The following NDUFAF5 variants were observed in gnomAD, a reference collection of about 807,000 sequenced individuals.
The protein encoded by NDUFAF5 is NADH:ubiquinone oxidoreductase complex assembly factor 5.
NDUFAF5 carries 34 observed loss-of-function variants against 48.9 expected under a neutral mutation model. The ratio of observed to expected loss-of-function variants is 0.70; its 90% confidence interval spans 0.53 to 0.93. The LOEUF is 0.93. Ranked by LOEUF, NDUFAF5 falls within the 40% of genes least tolerant of loss-of-function variation. The pLI, the probability that NDUFAF5 is intolerant of heterozygous loss-of-function variation, is 0.00. For missense variants in NDUFAF5, 428 were observed against 427.5 expected (o/e 1.00, Z -0.01); for synonymous variants, 153 against 150.6 (o/e 1.02, Z -0.12).
At chr20:13,794,192 C>G (rs986153411) in intron 4 of NDUFAF5, among the ~76,000 whole-genome samples, 5 of 151,876 alleles carry the variant, frequency 3.3e-5, no homozygotes, top group African/African-American at 9.7e-5. Context: ...TTATGTTTAC[C>G]TAGGCTTTTT....
chr20:13,817,513 T>C lies in NDUFAF5; in HGVS notation c.*303T>C, dbSNP rs1986619882. 2.0e-6 allele frequency: 1 copy of C among 507,288 alleles called. No individual in the cohort carries two copies. The highest frequency in any genetic ancestry group is 2.3e-5 in the Admixed American group (1 of 44,276). The allele number at this position is 507,288 out of a possible 1,614,324, so 31.4% of individuals were successfully genotyped here. A position where few individuals can be genotyped will look rare whatever the true frequency, so the allele number is the denominator to read the frequency against. Reference sequence around the variant, plus strand: ...ATGCCTTGGAAAATATTACTCATGCTGACCTTTTACACCTTTTTCATTTGT... The same window carrying C: ...ATGCCTTGGAAAATATTACTCATGCCGACCTTTTACACCTTTTTCATTTGT... On this transcript the variant is annotated 3_prime_UTR_variant, in exon 11 of 11. Coordinates refer to ENST00000378106, the MANE Select transcript of NDUFAF5 (RefSeq NM_024120.5).
chr20:13,795,883 T>A (rs1291418555), intron 5 of NDUFAF5, among the ~76,000 whole-genome samples: 1 of 152,220 alleles, frequency 6.6e-6, no homozygotes, highest in Non-Finnish European at 1.5e-5. Flanking sequence ...TTATGTTTTC[T>A]ACTATCTTCC....
At chr20:13,812,878 A>G (rs1441102338) in intron 8 of NDUFAF5, 1 of 152,226 alleles carries the variant, frequency 6.6e-6, no homozygotes, top group African/African-American at 2.4e-5. Context: ...CAAAATATTG[A>G]ACATTTTCAG....
rs577882758 is a variant in NDUFAF5 at position 13,819,788 on chromosome 20, T to A, written c.*2578T>A. Reference sequence around the variant, plus strand: ...TTTGTGTCTTTTCCAGCACTTTTCTTACTTGCTGTCAGTTGTCAATCTCAA... The same window carrying A: ...TTTGTGTCTTTTCCAGCACTTTTCTAACTTGCTGTCAGTTGTCAATCTCAA... On this transcript the variant is annotated 3_prime_UTR_variant, in exon 11 of 11. Transcript: ENST00000378106. The A allele has an allele frequency of 6.6e-6, 1 of 152,400 alleles. No homozygotes were observed. The highest frequency in any genetic ancestry group is 2.1e-4 in the South Asian group (1 of 4,824). 9.4% of individuals were successfully genotyped at this position (152,400 alleles called of 1,614,324 possible).
chr20:13,809,100 C>T, intron 8 of NDUFAF5, 198 bp downstream of exon 8: 1 of 594,890 alleles, frequency 1.7e-6, no homozygotes, highest in Non-Finnish European at 3.0e-6. Flanking sequence ...GAGGCAGGCA[C>T]CAGGCAGCTG....
chr20:13,786,631 T>C (rs1981192342), intron 1 of NDUFAF5, among the ~76,000 whole-genome samples: 2 of 152,306 alleles, frequency 1.3e-5, no homozygotes, highest in South Asian at 2.1e-4. Context: ...TTGGAACTTT[T>C]AAGTCCTAAG....
In NDUFAF5 at chr20:13,817,818, T is replaced by G. The variant is rs1407984491; in HGVS notation, c.*608T>G. 1 of 216,384 alleles carries G rather than the reference T, an allele frequency of 4.6e-6. No homozygotes were observed. Among genetic ancestry groups the G allele is most frequent in the Non-Finnish European group, 1.1e-5 (1 of 92,090 alleles). The allele number at this position is 216,384 out of a possible 1,614,324, so 13.4% of individuals were successfully genotyped here. A position where few individuals can be genotyped will look rare whatever the true frequency, so the allele number is the denominator to read the frequency against. The stretch of plus-strand genomic sequence containing the variant: ...CAGTCTCTGCACAGTCATCAGTTTA[T>G]TGTTAAGCTTTCCTTTGTAATTTCA... On this transcript the variant is annotated 3_prime_UTR_variant, in exon 11 of 11. Coordinates refer to ENST00000378106, the MANE Select transcript of NDUFAF5 (RefSeq NM_024120.5).
chr20:13,802,288 A>G (rs981306918), intron 7 of NDUFAF5, among the ~76,000 whole-genome samples: 1 of 152,236 alleles, frequency 6.6e-6, no homozygotes, highest in Non-Finnish European at 1.5e-5. Flanking sequence ...GTTCTCCGAC[A>G]GGAGTAACTT....
intron 8 of NDUFAF5, among the ~76,000 whole-genome samples, chr20:13,809,421 G>A (rs1251591431): frequency 6.6e-6 from 1 of 152,154 alleles, no homozygotes; most frequent in East Asian, 1.9e-4. Context: ...GAATTAACTG[G>A]GTAGACAGAG....
intron 8 of NDUFAF5, among the ~76,000 whole-genome samples, chr20:13,810,795 A>G (rs966321868): frequency 2.6e-5 from 4 of 152,130 alleles, no homozygotes; most frequent in Non-Finnish European, 5.9e-5. Context: ...GGGAGAGGCA[A>G]AGTTATAGCA....
intron 8 of NDUFAF5, chr20:13,814,248 CAG>C (rs1264299021): frequency 1.1e-5 from 4 of 364,724 alleles, no homozygotes; most frequent in Admixed American, 1.1e-4. Flanking sequence ...GAAGCATAGT[CAG>C]GGGATGATGG....
chr20:13,788,642 A>G lies in NDUFAF5; in HGVS notation c.317A>G (p.Tyr106Cys), dbSNP rs1339197184. 5.6e-6 allele frequency: 9 copies of G among 1,607,452 alleles called. No homozygotes were observed. Among genetic ancestry groups the G allele is most frequent in the Non-Finnish European group, 7.7e-6 (9 of 1,174,156 alleles). Residue 106 changes from tyrosine to cysteine, a missense_variant, in exon 3 of 11, where the codon TAT (tyrosine) becomes TGT (cysteine). Tyr to Cys is a radical substitution (Grantham distance 194, BLOSUM62 -2). Coordinates refer to ENST00000378106, the MANE Select transcript of NDUFAF5 (RefSeq NM_024120.5). ...LGCGRGYIAQ[Y>C]LNKETIGKFF... Reference sequence around the variant, plus strand: ...TGTGGAAGAGGTTACATTGCACAATATTTGAATAAGGTATATTTATTCAAT... The same window carrying G: ...TGTGGAAGAGGTTACATTGCACAATGTTTGAATAAGGTATATTTATTCAAT...
chr20:13,792,686 C>A (rs961351288), intron 3 of NDUFAF5, among the ~76,000 whole-genome samples: 14 of 152,046 alleles, frequency 9.2e-5, no homozygotes, highest in Admixed American at 9.2e-4. Context: ...GAAAAGAGGG[C>A]TGAGGGGGAA....
chr20:13,818,881 G>T lies in NDUFAF5; in HGVS notation c.*1671G>T, dbSNP rs1022776785. ...GGTATAGAAACTAGGAGGGAGACTT[G>T]TACTTTTCACTTTTTAAACTTCCTG... On this transcript the variant is annotated 3_prime_UTR_variant, in exon 11 of 11. Coordinates refer to ENST00000378106, the MANE Select transcript of NDUFAF5 (RefSeq NM_024120.5). 7.2e-5 allele frequency: 11 copies of T among 152,284 alleles called. No individual in the cohort carries two copies. The highest frequency in any genetic ancestry group is 2.2e-4 in the African/African-American group (9 of 41,544). 9.4% of individuals were successfully genotyped at this position (152,284 alleles called of 1,614,324 possible).
At position 13,814,578 on chromosome 20, in the gene NDUFAF5, G is replaced by A. The variant is rs367711740; in HGVS notation, c.779-1885G>A. 9.6e-5 allele frequency: 82 copies of A among 854,798 alleles called. 1 individual carries two copies. The African/African-American group carries it at 1.3e-3, about 13-fold the overall frequency. 53.0% of individuals were successfully genotyped at this position (854,798 alleles called of 1,614,324 possible). Reference sequence around the variant, plus strand: ...GTTTTTAGTAAACTGTAATAAATTAGGTTTATTTTTGATAAGCAGTTGAAC... The same window carrying A: ...GTTTTTAGTAAACTGTAATAAATTAAGTTTATTTTTGATAAGCAGTTGAAC... On this transcript the variant is annotated intron_variant, in intron 8 of 10. Transcript: ENST00000378106.
intron 8 of NDUFAF5, among the ~76,000 whole-genome samples, chr20:13,810,097 T>A (rs1985650548): frequency 6.6e-6 from 1 of 152,214 alleles, no homozygotes; most frequent in South Asian, 2.1e-4. Flanking sequence ...AGGAAGCTAC[T>A]GGCTTGGTTA....
At chr20:13,787,816 A>C (rs965676007) in intron 2 of NDUFAF5, among the ~76,000 whole-genome samples, 1 of 152,192 alleles carries the variant, frequency 6.6e-6, no homozygotes, top group Admixed American at 6.5e-5. Context: ...AACAAATTGC[A>C]ATGGGGCTCT....
At chr20:13,797,804 A>T (rs1419063536) in intron 5 of NDUFAF5, among the ~76,000 whole-genome samples, 3 of 152,220 alleles carry the variant, frequency 2.0e-5, no homozygotes, top group African/African-American at 7.2e-5. Flanking sequence ...GATATTGATA[A>T]TGGGGGAGGC....
rs1986495977 is a variant in NDUFAF5, at chr20:13,816,600, T to C, written c.862+54T>C. 7 of 1,401,806 alleles carry C rather than the reference T, an allele frequency of 5.0e-6. No individual in the cohort carries two copies. In the South Asian group the frequency reaches 6.9e-5, roughly 14 times the overall value. The allele number at this position is 1,401,806 out of a possible 1,614,324, so 86.8% of individuals were successfully genotyped here. On this transcript the variant is annotated intron_variant, in intron 9 of 10. Coordinates refer to ENST00000378106, the MANE Select transcript of NDUFAF5 (RefSeq NM_024120.5). ...TCACCAAGGCACTTGTGCTGTATCATGTTGATTCCCTTCACGTTGCCAATG... is the reference window on the plus strand; with the variant it reads ...TCACCAAGGCACTTGTGCTGTATCACGTTGATTCCCTTCACGTTGCCAATG...
Sources: gnomAD v4.1 joint callset for allele counts (sites outside exome capture counted in the v4.1 genomes callset) on GRCh38, gnomAD v4.1.1 for gene constraint, MANE v1.5 for transcripts, NCBI Gene and HGNC (gene_info 2026-07-23, HGNC 2026-07-21) for gene names.